The following NEK1 variants were observed in gnomAD, a reference collection of about 807,000 sequenced individuals.
NEK1 encodes the protein serine/threonine-protein kinase Nek1.
In NEK1, 137 loss-of-function variants were observed where a neutral mutation model predicts 182.1. That is an observed-to-expected ratio of 0.75 (90% CI 0.65 to 0.87). NEK1 has a LOEUF of 0.87. Ranked by LOEUF, NEK1 falls within the 40% of genes least tolerant of loss-of-function variation. The pLI is 0.00. For synonymous variants in NEK1, 513 were observed against 492.2 expected (o/e 1.04, Z -0.56); for missense variants, 1,391 against 1,494.4 (o/e 0.93, Z 1.14).
chr4:169,486,895 A>T (rs1313511693), intron 23 of NEK1, among the ~76,000 whole-genome samples: 1 of 152,202 alleles, frequency 6.6e-6, no homozygotes, highest in Non-Finnish European at 1.5e-5. Context: ...ACTGAATTTT[A>T]ATTCTTAAAA....
chr4:169,495,372 T>G (rs1366687434), intron 23 of NEK1, among the ~76,000 whole-genome samples: 2 of 151,786 alleles, frequency 1.3e-5, no homozygotes, highest in Non-Finnish European at 2.9e-5. Flanking sequence ...GCCTCCCGTG[T>G]AGCTGGGACT....
chr4:169,495,768 G>A (rs1423848812), intron 23 of NEK1, among the ~76,000 whole-genome samples: 1 of 152,130 alleles, frequency 6.6e-6, no homozygotes, highest in Non-Finnish European at 1.5e-5. Flanking sequence ...CTATACCTCT[G>A]CTTTGGTACC....
intron 23 of NEK1, among the ~76,000 whole-genome samples, chr4:169,486,544 TCA>T (rs748901842): frequency 3.3e-5 from 5 of 152,362 alleles, no homozygotes; most frequent in South Asian, 4.1e-4. Context: ...TAGAGTAATT[TCA>T]CACAGTTTTA....
chr4:169,556,769 C>T (rs1347864308), intron 16 of NEK1, among the ~76,000 whole-genome samples: 1 of 150,878 alleles, frequency 6.6e-6, no homozygotes, highest in Non-Finnish European at 1.5e-5. Context: ...ACAGTAAAAT[C>T]CTTATTTAGA....
chr4:169,563,409 T>G (rs1416023210), intron 12 of NEK1, among the ~76,000 whole-genome samples: 3 of 152,002 alleles, frequency 2.0e-5, no homozygotes, highest in African/African-American at 7.2e-5. Context: ...TTGTGGGTAA[T>G]TCTTTCCATT....
At position 169,601,822 on chromosome 4, in the gene NEK1, C is replaced by T. The variant is rs4692570; in HGVS notation, c.214+186G>A. On this transcript the variant is annotated intron_variant, in intron 4 of 35. Coordinates refer to ENST00000507142, the MANE Select transcript of NEK1 (RefSeq NM_001199397.3). ...CTGCACTCCAGCCTGGGCCACTGAG[C>T]GAGACTGTCTCAATTTAAAAAAAAA... Among the ~76,000 whole-genome samples the T allele has an allele frequency of 0.46, 68,878 of 149,940 alleles. 18,404 individuals are homozygous for T. The highest frequency in any genetic ancestry group is 0.76 in the East Asian group (3,902 of 5,114).
At chr4:169,451,715 C>G (rs1741812679) in intron 27 of NEK1, among the ~76,000 whole-genome samples, 1 of 152,058 alleles carries the variant, frequency 6.6e-6, no homozygotes, top group Admixed American at 6.6e-5. Flanking sequence ...CCTAACATCA[C>G]AATTAAAAGA....
At chr4:169,543,275 T>C (rs945887424) in intron 18 of NEK1, among the ~76,000 whole-genome samples, 1 of 152,206 alleles carries the variant, frequency 6.6e-6, no homozygotes, top group Non-Finnish European at 1.5e-5. Flanking sequence ...TTATCGGGTT[T>C]GTTAAAGAGC....
At chr4:169,576,814 C>A in intron 12 of NEK1, 114 bp downstream of exon 12, 4 of 1,043,108 alleles carry the variant, frequency 3.8e-6, no homozygotes, top group South Asian at 1.5e-5. Flanking sequence ...GGAGGACATT[C>A]CTTGGTAACT....
At position 169,403,965 on chromosome 4, in the gene NEK1, T is replaced by A. The variant is rs117368728; in HGVS notation, c.3375-2105A>T. The stretch of plus-strand genomic sequence containing the variant: ...ACGTACTTTAAAAACAACTTGGTTT[T>A]CGAATTTTTCAATTAATACTAAAGG... On this transcript the variant is annotated intron_variant, in intron 32 of 35. Coordinates refer to ENST00000507142, the MANE Select transcript of NEK1 (RefSeq NM_001199397.3). Among the ~76,000 whole-genome samples, 541 of 152,304 alleles carry A rather than the reference T, an allele frequency of 3.6e-3. 5 individuals carry two copies. In the East Asian group the frequency reaches 0.036, roughly 10 times the overall value.
intron 30 of NEK1, 125 bp from the exon 31 acceptor site, chr4:169,424,925 C>A (rs1736112517): frequency 1.1e-6 from 1 of 934,150 alleles, no homozygotes. Context: ...AAAATAAAAT[C>A]AAAATATGTG....
At chr4:169,546,052 T>C (rs1760377962) in intron 18 of NEK1, among the ~76,000 whole-genome samples, 1 of 152,162 alleles carries the variant, frequency 6.6e-6, no homozygotes, top group African/African-American at 2.4e-5. Context: ...GACTTTCTTC[T>C]CTGATTCTTC....
intron 10 of NEK1, 52 bp downstream of exon 10, chr4:169,585,297 T>C: frequency 7.2e-7 from 1 of 1,386,764 alleles, no homozygotes; most frequent in Non-Finnish European, 1.0e-6. Flanking sequence ...AGGCCATGTC[T>C]TAGCTAAGCA....
At chr4:169,429,236 T>G (rs1736978888) in intron 29 of NEK1, among the ~76,000 whole-genome samples, 1 of 152,194 alleles carries the variant, frequency 6.6e-6, no homozygotes, top group Non-Finnish European at 1.5e-5. Flanking sequence ...AACACAGCAG[T>G]ATTTTTAGCT....
chr4:169,591,276 C>CT (rs1768456076), intron 5 of NEK1, among the ~76,000 whole-genome samples: 1 of 151,836 alleles, frequency 6.6e-6, no homozygotes, highest in African/African-American at 2.4e-5. Flanking sequence ...CTCCGAGGGA[C>CT]TAGGACTATA....
intron 5 of NEK1, among the ~76,000 whole-genome samples, chr4:169,594,147 G>T (rs1424879275): frequency 6.6e-6 from 1 of 152,122 alleles, no homozygotes; most frequent in Non-Finnish European, 1.5e-5. Context: ...ATTATATCAA[G>T]AACCATACAG....
chr4:169,514,877 T>A (rs1754862847), intron 19 of NEK1, among the ~76,000 whole-genome samples: 1 of 152,144 alleles, frequency 6.6e-6, no homozygotes, highest in South Asian at 2.1e-4. Flanking sequence ...TCATTCTGCT[T>A]GATTTGGGAA....
intron 19 of NEK1, among the ~76,000 whole-genome samples, chr4:169,532,968 A>G (rs762541293): frequency 8.6e-5 from 13 of 152,042 alleles, no homozygotes; most frequent in Admixed American, 2.0e-4. Flanking sequence ...AAAGGGAACT[A>G]AAAGAAAAAA....
intron 4 of NEK1, among the ~76,000 whole-genome samples, chr4:169,599,802 C>T (rs913056531): frequency 4.6e-5 from 7 of 152,110 alleles, no homozygotes; most frequent in African/African-American, 1.7e-4. Flanking sequence ...CCCCATCCAC[C>T]TTTATGTCTC....
Sources: allele counts gnomAD v4.1 joint callset (sites outside exome capture counted in the v4.1 genomes callset), GRCh38; gene constraint gnomAD v4.1.1; transcripts MANE v1.5; gene names NCBI Gene and HGNC (gene_info 2026-07-23, HGNC 2026-07-21).